Variants in WWC2 observed in about 807,000 individuals in gnomAD.
WWC2 encodes protein WWC2.
WWC2 carries 101 observed loss-of-function variants against 138.5 expected under a neutral mutation model. The observed-to-expected ratio is 0.73, with a 90% CI of 0.62 to 0.86. The LOEUF (loss-of-function observed/expected upper bound fraction) is 0.86. Ranked by LOEUF, WWC2 falls within the 40% of genes least tolerant of loss-of-function variation. The pLI is 0.00. For missense variants in WWC2, 1,420 were observed against 1,419.4 expected (o/e 1.00, Z -0.01); for synonymous variants, 558 against 538.4 (o/e 1.04, Z -0.50).
chr4:183,178,517 G>T (rs1326636612), intron 1 of WWC2, among the ~76,000 whole-genome samples: 1 of 151,440 alleles, frequency 6.6e-6, no homozygotes, highest in African/African-American at 2.4e-5. Context: ...GGAGTTCGAG[G>T]CTGCAGCCCA....
intron 1 of WWC2, among the ~76,000 whole-genome samples, chr4:183,163,044 G>A (rs1448563263): frequency 6.6e-6 from 1 of 152,138 alleles, no homozygotes; most frequent in Non-Finnish European, 1.5e-5. Flanking sequence ...ATAAAACAGC[G>A]ATTTCCATTA....
At chr4:183,249,794 G>A (rs1474244110) in intron 7 of WWC2, 126 bp from the exon 8 acceptor site, 1 of 668,602 alleles carries the variant, frequency 1.5e-6, no homozygotes, top group Non-Finnish European at 2.5e-6. Context: ...TTTAAAATTG[G>A]TGTTTCCCGA....
intron 4 of WWC2, among the ~76,000 whole-genome samples, chr4:183,236,324 G>A (rs1189618137): frequency 2.0e-5 from 3 of 152,148 alleles, no homozygotes; most frequent in Non-Finnish European, 2.9e-5. Context: ...TGAAAGATTC[G>A]TGAATCGGGC....
At chr4:183,288,193 A>C (rs1482271661) in intron 20 of WWC2, among the ~76,000 whole-genome samples, 1 of 152,198 alleles carries the variant, frequency 6.6e-6, no homozygotes, top group African/African-American at 2.4e-5. Flanking sequence ...CTGGATGTGG[A>C]GGAAGAACAG....
At chr4:183,257,509 A>G (rs907379997) in intron 9 of WWC2, among the ~76,000 whole-genome samples, 5 of 152,300 alleles carry the variant, frequency 3.3e-5, no homozygotes, top group East Asian at 1.9e-4. Flanking sequence ...TTAAGGGCCA[A>G]GTAGAGGAAA....
chr4:183,303,893 C>T (rs1469679698), intron 21 of WWC2, among the ~76,000 whole-genome samples: 1 of 151,298 alleles, frequency 6.6e-6, no homozygotes, highest in African/African-American at 2.4e-5. Context: ...CTAGTATAGC[C>T]ACATGTTCAT....
At chr4:183,119,384 G>A (rs938598878) in intron 1 of WWC2, among the ~76,000 whole-genome samples, 2 of 152,148 alleles carry the variant, frequency 1.3e-5, no homozygotes, top group African/African-American at 2.4e-5. Flanking sequence ...GAAGTGAAGA[G>A]ATGCCCTTTG....
At chr4:183,181,117 A>G (rs1180757183) in intron 1 of WWC2, among the ~76,000 whole-genome samples, 1 of 152,230 alleles carries the variant, frequency 6.6e-6, no homozygotes, top group Admixed American at 6.5e-5. Context: ...ACTATAGTAT[A>G]TAGTGTACTA....
chr4:183,201,189 G>A (rs1397002542), intron 2 of WWC2, among the ~76,000 whole-genome samples: 5 of 152,276 alleles, frequency 3.3e-5, no homozygotes, highest in African/African-American at 7.2e-5. Context: ...CTGCCTTGTG[G>A]TGGTGATGTC....
At chr4:183,261,855 CAAAGA>C (rs1737340422) in intron 11 of WWC2, among the ~76,000 whole-genome samples, 1 of 152,132 alleles carries the variant, frequency 6.6e-6, no homozygotes, top group South Asian at 2.1e-4. Flanking sequence ...AATAGCAAGG[CAAAGA>C]AGAGGATTTT....
rs369138259 is a variant in WWC2, at chr4:183,265,782, G to A, written c.2120+14G>A. 1.9e-5 allele frequency: 30 copies of A among 1,609,864 alleles called. No individual in the cohort carries two copies. Among genetic ancestry groups the A allele is most frequent in the South Asian group, 2.2e-5 (2 of 90,070 alleles). Reference sequence around the variant, plus strand: ...GATAGGACTCAGGTAAGGAATGTACGTGGGAAAGGAGCAGTTCTGACATCT... The same window carrying A: ...GATAGGACTCAGGTAAGGAATGTACATGGGAAAGGAGCAGTTCTGACATCT... On this transcript the variant is annotated intron_variant, in intron 13 of 22. Coordinates refer to ENST00000403733, the MANE Select transcript of WWC2 (RefSeq NM_024949.6).
At chr4:183,158,455 G>A (rs578245083) in intron 1 of WWC2, among the ~76,000 whole-genome samples, 16 of 151,468 alleles carry the variant, frequency 1.1e-4, no homozygotes, top group Admixed American at 2.0e-4. Flanking sequence ...TTCTCCTTGT[G>A]TCTTCACATG....
At chr4:183,171,867 T>G (rs918709946) in intron 1 of WWC2, among the ~76,000 whole-genome samples, 1 of 152,228 alleles carries the variant, frequency 6.6e-6, no homozygotes, top group Non-Finnish European at 1.5e-5. Flanking sequence ...TTCAGCTTTC[T>G]TACTGTGCCT....
intron 6 of WWC2, among the ~76,000 whole-genome samples, chr4:183,246,109 T>C (rs1410515761): frequency 1.3e-5 from 2 of 152,224 alleles, no homozygotes; most frequent in Non-Finnish European, 2.9e-5. Flanking sequence ...TTACTAAACC[T>C]GTTCACTTCT....
At chr4:183,193,768 A>G (rs1735057014) in intron 2 of WWC2, 60 bp downstream of exon 2, 1 of 1,337,688 alleles carries the variant, frequency 7.5e-7, no homozygotes, top group South Asian at 1.2e-5. Flanking sequence ...CAAAACCTAC[A>G]GTCACACAAA....
chr4:183,140,174 A>AAATG (rs1452153920), intron 1 of WWC2, among the ~76,000 whole-genome samples: 1 of 152,232 alleles, frequency 6.6e-6, no homozygotes, highest in Non-Finnish European at 1.5e-5. Flanking sequence ...AAATACTTGT[A>AAATG]AATGAATGAA....
intron 2 of WWC2, among the ~76,000 whole-genome samples, chr4:183,206,575 C>T (rs781729311): frequency 6.6e-6 from 1 of 152,206 alleles, no homozygotes; most frequent in Non-Finnish European, 1.5e-5. Context: ...TAGAAGTGAA[C>T]TGTGTAATTT....
chr4:183,193,763 C>G lies in WWC2; in HGVS notation c.241+55C>G. Reference sequence around the variant, plus strand: ...ATATCAGAAAAGTAATCCCCCAAAACCTACAGTCACACAAAAGAATAAACA... The same window carrying G: ...ATATCAGAAAAGTAATCCCCCAAAAGCTACAGTCACACAAAAGAATAAACA... On this transcript the variant is annotated intron_variant, in intron 2 of 22. Transcript: ENST00000403733. The G allele has an allele frequency of 6.6e-6, 9 of 1,359,144 alleles. No homozygotes were observed. In the South Asian group the frequency reaches 1.1e-4, roughly 17 times the overall value. The allele number at this position is 1,359,144 out of a possible 1,614,324, so 84.2% of individuals were successfully genotyped here.
At chr4:183,290,381 G>A (rs1250006578) in intron 21 of WWC2, among the ~76,000 whole-genome samples, 1 of 152,062 alleles carries the variant, frequency 6.6e-6, no homozygotes, top group African/African-American at 2.4e-5. Context: ...AGCTGGACGT[G>A]GTGGTGTGCC....
Sources: allele counts gnomAD v4.1 joint callset (sites outside exome capture counted in the v4.1 genomes callset), GRCh38; gene constraint gnomAD v4.1.1; transcripts MANE v1.5; gene names NCBI Gene and HGNC (gene_info 2026-07-23, HGNC 2026-07-21).